TRPM8: variants seen among roughly 807,000 people sequenced by gnomAD.
TRPM8 encodes the protein transient receptor potential cation channel subfamily M member 8.
In TRPM8, 110 loss-of-function variants were observed where a neutral mutation model predicts 133.7. The ratio of observed to expected loss-of-function variants is 0.82; its 90% CI spans 0.70 to 0.96. The LOEUF (loss-of-function observed/expected upper bound fraction) is 0.96. Among genes scored for constraint, TRPM8 ranks in the 40% least tolerant of loss-of-function variants. The probability of loss-of-function intolerance (pLI) is 0.00; values close to 1 mark genes in which losing one functional copy is unlikely to be tolerated. For missense variants in TRPM8, 1,291 were observed against 1,379.5 expected (o/e 0.94, Z 1.02); for synonymous variants, 535 against 532.3 (o/e 1.01, Z -0.07).
intron 3 of TRPM8, 40 bp from the exon 4 acceptor site, chr2:233,937,313 T>A: frequency 1.2e-6 from 2 of 1,608,502 alleles, no homozygotes; most frequent in East Asian, 4.5e-5. Flanking sequence ...GCAGGCTCAA[T>A]GAAATCCTTC....
Position 234,014,577 on chromosome 2 carries a change from G to A in TRPM8, c.3280G>A (p.Gly1094Ser). 1.3e-6 allele frequency: 2 copies of A among 1,549,776 alleles called. No homozygotes were observed. Among genetic ancestry groups the A allele is most frequent in the Admixed American group, 2.1e-5 (1 of 47,044 alleles). ...TCTTTCCAAGCTTAATGATCTCAAG[G>A]GTCTTCTGAAAGAGATTGCTAATAA... The part of the protein sequence containing the change: ...QLDTKLNDLK[G>S]LLKEIANKIK The change falls in exon 25 of 26, where the codon GGT (glycine) becomes AGT (serine). Residue 1094 changes from glycine (G) to serine (S), a missense_variant. By Grantham distance (56) the Gly-to-Ser change is moderately conservative. This residue lies in a region of TRPM8 where 328 missense variants were observed against 410.6 expected (regional missense o/e 0.80). Transcript: ENST00000324695.
intron 18 of TRPM8, among the ~76,000 whole-genome samples, chr2:233,980,752 C>T (rs1333557241): frequency 2.6e-5 from 4 of 152,188 alleles, no homozygotes; most frequent in Non-Finnish European, 5.9e-5. Flanking sequence ...CGTATTTCCT[C>T]AATGGCACAG....
At chr2:234,014,067 T>C (rs1431461982) in intron 24 of TRPM8, among the ~76,000 whole-genome samples, 2 of 152,180 alleles carry the variant, frequency 1.3e-5, no homozygotes, top group African/African-American at 2.4e-5. Flanking sequence ...TCAAGATTAA[T>C]TTCATTATGC....
At chr2:234,015,989 A>G (rs1440444248) in intron 25 of TRPM8, among the ~76,000 whole-genome samples, 2 of 152,242 alleles carry the variant, frequency 1.3e-5, no homozygotes, top group Non-Finnish European at 2.9e-5. Flanking sequence ...GAAGAGAGTC[A>G]GATTCAGACA....
chr2:233,926,395 G>A (rs527714478), intron 1 of TRPM8, 138 bp from the exon 2 acceptor site: 1 of 683,634 alleles, frequency 1.5e-6, no homozygotes, highest in Non-Finnish European at 2.6e-6. Flanking sequence ...CAATGACCAT[G>A]GTGGGCCGAA....
At chr2:233,953,475 C>G (rs976705305) in intron 9 of TRPM8, among the ~76,000 whole-genome samples, 1 of 152,194 alleles carries the variant, frequency 6.6e-6, no homozygotes, top group African/African-American at 2.4e-5. Context: ...AATTCTTTAT[C>G]TGTTTCTCCA....
chr2:233,919,427 A>T (rs1672753218), intron 1 of TRPM8, among the ~76,000 whole-genome samples: 1 of 152,118 alleles, frequency 6.6e-6, no homozygotes, highest in South Asian at 2.1e-4. Context: ...TTAAAGTGGC[A>T]CAAATTAGCT....
intron 24 of TRPM8, among the ~76,000 whole-genome samples, chr2:234,011,914 CAA>C (rs869030520): frequency 0.28 from 22,724 of 80,308 alleles, 1,715 homozygotes; most frequent in East Asian, 0.46. Context: ...GAGACTGTCT[CAA>C]AAAAAAAAAA....
chr2:233,983,235 C>T lies in TRPM8; in HGVS notation c.2761+11C>T, dbSNP rs752535103. On this transcript the variant is annotated intron_variant, in intron 20 of 25. Coordinates refer to ENST00000324695, the MANE Select transcript of TRPM8 (RefSeq NM_024080.5). ...CCAGTGACGTGGATGGTAAGCCTGACTTGGCTCAGATGGAAACAGCTTGGA... is the reference window on the plus strand; with the variant it reads ...CCAGTGACGTGGATGGTAAGCCTGATTTGGCTCAGATGGAAACAGCTTGGA... 3.1e-6 allele frequency: 5 copies of T among 1,614,044 alleles called. No homozygotes were observed. In the South Asian group the frequency reaches 5.5e-5, roughly 18 times the overall value.
intron 8 of TRPM8, among the ~76,000 whole-genome samples, chr2:233,949,463 T>G (rs1691123314): frequency 6.6e-6 from 1 of 152,234 alleles, no homozygotes; most frequent in Admixed American, 6.5e-5. Flanking sequence ...GGGGAAATTA[T>G]TTGAGGAGGG....
intron 11 of TRPM8, among the ~76,000 whole-genome samples, chr2:233,957,317 C>T (rs2125156767): frequency 7.0e-6 from 1 of 143,488 alleles, no homozygotes; most frequent in Admixed American, 6.6e-5. Context: ...AAAACCCCAC[C>T]TCTGCCCCCC....
At chr2:233,918,237 G>T (rs2125016912) in intron 1 of TRPM8, among the ~76,000 whole-genome samples, 1 of 151,710 alleles carries the variant, frequency 6.6e-6, no homozygotes, top group South Asian at 2.1e-4. Context: ...TTCCAAGGTT[G>T]TGACTTTGGA....
In TRPM8 at chr2:233,942,794, GAC is replaced by G. The variant is rs746616599; in HGVS notation, c.699+47_699+48del. On this transcript the variant is annotated intron_variant, in intron 6 of 25. Coordinates refer to ENST00000324695, the MANE Select transcript of TRPM8 (RefSeq NM_024080.5). Reference sequence around the variant, plus strand: ...GGTCTGCTAGGTCACATGGAAGAAAGACCATGGCATGGGCCTGTGGCCTGAAC... The same window carrying G: ...GGTCTGCTAGGTCACATGGAAGAAAGCATGGCATGGGCCTGTGGCCTGAAC... 3.1e-6 allele frequency: 5 copies of G among 1,610,024 alleles called. No homozygotes were observed. The South Asian group carries it at 5.5e-5, about 18-fold the overall frequency.
intron 21 of TRPM8, among the ~76,000 whole-genome samples, chr2:233,992,644 C>T (rs1392546025): frequency 6.6e-6 from 1 of 152,164 alleles, no homozygotes; most frequent in Non-Finnish European, 1.5e-5. Context: ...TGTCTCCAGC[C>T]AGCTAGGTGT....
At chr2:233,949,876 C>T in intron 8 of TRPM8, 73 bp from the exon 9 acceptor site, 1 of 1,463,948 alleles carries the variant, frequency 6.8e-7, no homozygotes, top group Non-Finnish European at 9.4e-7. Context: ...CAGCTTGGCT[C>T]AGAACCTTAG....
chr2:233,947,386 C>T (rs1398702071), intron 8 of TRPM8: 1 of 1,514,274 alleles, frequency 6.6e-7, no homozygotes, highest in African/African-American at 1.4e-5. Flanking sequence ...TAGTGTTGGC[C>T]TTGACAGTCA....
rs11562970 is a variant in TRPM8, at chr2:233,991,488, G to A, written c.2940-4838G>A. The stretch of plus-strand genomic sequence containing the variant: ...CACTGTCACCACGGGCCATGGGGCA[G>A]TACTGGCTAGATACTGCCTGTGTGC... On this transcript the variant is annotated intron_variant, in intron 21 of 25. Transcript: ENST00000324695. Among the ~76,000 whole-genome samples the A allele has an allele frequency of 7.6e-3, 1,157 of 152,344 alleles. 17 individuals are homozygous for A. Among genetic ancestry groups the A allele is most frequent in the African/African-American group, 0.027 (1,113 of 41,578 alleles).
intron 24 of TRPM8, among the ~76,000 whole-genome samples, chr2:234,010,306 G>C (rs905016836): frequency 6.6e-6 from 1 of 152,172 alleles, no homozygotes; most frequent in African/African-American, 2.4e-5. Flanking sequence ...GAAAATGGCA[G>C]CATTTCTTTC....
intron 9 of TRPM8, 103 bp from the exon 10 acceptor site, chr2:233,953,814 C>A (rs1691226486): frequency 2.6e-6 from 2 of 767,920 alleles, no homozygotes; most frequent in Non-Finnish European, 4.3e-6. Flanking sequence ...CGGAACTCCA[C>A]TACAGGTGGT....
Sources: allele counts gnomAD v4.1 joint callset (sites outside exome capture counted in the v4.1 genomes callset), GRCh38; gene constraint gnomAD v4.1.1; regional missense constraint gnomAD v4.1.1; transcripts MANE v1.5; gene names NCBI Gene and HGNC (gene_info 2026-07-23, HGNC 2026-07-21).